Variants in FRMD6 observed in about 807,000 individuals in gnomAD.
FRMD6 encodes FERM domain containing 6.
In FRMD6, 37 loss-of-function variants were observed where a neutral mutation model predicts 73.2. The observed-to-expected ratio is 0.51, with a 90% CI of 0.39 to 0.66. The LOEUF is 0.66. FRMD6 is among the 30% of genes least tolerant of loss of function. The pLI is 0.00. For synonymous variants in FRMD6, 273 were observed against 282.2 expected (o/e 0.97, Z 0.33); for missense variants, 714 against 780.5 (o/e 0.91, Z 1.02).
intron 1 of FRMD6, among the ~76,000 whole-genome samples, chr14:51,499,582 C>A (rs554801399): frequency 5.8e-4 from 89 of 152,270 alleles, no homozygotes; most frequent in Middle Eastern, 3.4e-3. Context: ...GGAGTAGGGG[C>A]CTGACCCCAG....
chr14:51,469,471 A>G, the FRMD6 span, among the ~76,000 whole-genome samples: 77 of 150,752 alleles, frequency 5.1e-4, no homozygotes, highest in South Asian at 1.9e-3. Context: ...AACTTAGCCG[A>G]GCGTGGTGGC....
intron 1 of FRMD6, among the ~76,000 whole-genome samples, chr14:51,568,103 C>A (rs988557526): frequency 6.6e-6 from 1 of 152,140 alleles, no homozygotes; most frequent in African/African-American, 2.4e-5. Context: ...AAGCACTTGG[C>A]AAAATAGCTA....
intron 12 of FRMD6, among the ~76,000 whole-genome samples, chr14:51,722,723 G>T (rs533225216): frequency 4.9e-4 from 75 of 152,286 alleles, no homozygotes; most frequent in Admixed American, 1.1e-3. Flanking sequence ...TTTGTTTATA[G>T]ACATCAGTCA....
chr14:51,682,508 G>A (rs1027151483), intron 1 of FRMD6, among the ~76,000 whole-genome samples: 2 of 152,098 alleles, frequency 1.3e-5, no homozygotes, highest in African/African-American at 4.8e-5. Context: ...TGTTGCAAGT[G>A]GCAGAATTAA....
intron 2 of FRMD6, among the ~76,000 whole-genome samples, chr14:51,594,391 C>A: frequency 6.6e-6 from 1 of 151,734 alleles, no homozygotes; most frequent in East Asian, 1.9e-4. Context: ...TGCAATGGTG[C>A]GATCTTGGCT....
chr14:51,469,926 C>T, the FRMD6 span, among the ~76,000 whole-genome samples: 1 of 151,868 alleles, frequency 6.6e-6, no homozygotes, highest in Admixed American at 6.6e-5. Flanking sequence ...TTTTGGATAA[C>T]AAATTGACAG....
intron 1 of FRMD6, among the ~76,000 whole-genome samples, chr14:51,542,661 A>G (rs868738974): frequency 1.3e-5 from 2 of 151,494 alleles, no homozygotes; most frequent in South Asian, 2.1e-4. Context: ...GTAACATGGT[A>G]ATTCTATGTT....
chr14:51,466,274 A>G, the FRMD6 span, among the ~76,000 whole-genome samples: 8 of 152,328 alleles, frequency 5.3e-5, 1 homozygote, highest in Non-Finnish European at 1.2e-4. Context: ...AGTTGAGTTC[A>G]TCCATTTGTT....
rs142063181 is a variant in FRMD6, at chr14:51,609,846, A to C, written c.-147+39436A>C. 1.0e-3 allele frequency among the ~76,000 whole-genome samples: 155 copies of C among 152,296 alleles called. 1 individual carries two copies. The highest frequency in any genetic ancestry group is 3.4e-3 in the Middle Eastern group (1 of 294). ...ATACCCTTTTGAAAATGTGATGAAA[A>C]TTATGGATCTTCTCATCCAAAATAG... On this transcript the variant is annotated intron_variant, in intron 2 of 14. Coordinates refer to the FRMD6 transcript ENST00000356218.
intron 2 of FRMD6, among the ~76,000 whole-genome samples, chr14:51,635,059 C>T (rs986152208): frequency 6.6e-6 from 1 of 152,000 alleles, no homozygotes; most frequent in African/African-American, 2.4e-5. Context: ...CTCAGCCTCC[C>T]GAGTAAGGCT....
intron 1 of FRMD6, among the ~76,000 whole-genome samples, chr14:51,514,339 C>T (rs574760654): frequency 3.3e-5 from 5 of 151,424 alleles, no homozygotes; most frequent in African/African-American, 9.7e-5. Flanking sequence ...CACACTAGGG[C>T]CTGTTGGGGG....
chr14:51,670,121 G>A (rs576172527), intron 1 of FRMD6, among the ~76,000 whole-genome samples: 15 of 152,238 alleles, frequency 9.9e-5, no homozygotes, highest in African/African-American at 3.4e-4. Context: ...CTGTTGCCAA[G>A]ACTAGAGTGC....
At chr14:51,557,985 G>T (rs1016108314) in intron 1 of FRMD6, among the ~76,000 whole-genome samples, 2 of 150,924 alleles carry the variant, frequency 1.3e-5, no homozygotes, top group African/African-American at 4.9e-5. Context: ...AAAGACAATT[G>T]GTAAGGAAAG....
chr14:51,490,589 AG>A (rs770400844), intron 1 of FRMD6, among the ~76,000 whole-genome samples: 9 of 138,658 alleles, frequency 6.5e-5, no homozygotes, highest in Non-Finnish European at 1.3e-4. Context: ...GCACAGTGCT[AG>A]GTCCTGGACG....
chr14:51,666,140 T>C (rs1893574181), intron 1 of FRMD6, among the ~76,000 whole-genome samples: 1 of 152,248 alleles, frequency 6.6e-6, no homozygotes, highest in Non-Finnish European at 1.5e-5. Context: ...TAGTGCTTTC[T>C]TAATTTACTA....
chr14:51,439,858 A>C, the FRMD6 span, among the ~76,000 whole-genome samples: 1 of 152,184 alleles, frequency 6.6e-6, no homozygotes, highest in African/African-American at 2.4e-5. Flanking sequence ...CAGAGTAGGA[A>C]TGTCTTCCAG....
intron 1 of FRMD6, among the ~76,000 whole-genome samples, chr14:51,681,717 A>T (rs1594722911): frequency 6.6e-6 from 1 of 152,228 alleles, no homozygotes; most frequent in Admixed American, 6.5e-5. Context: ...ATTGTATAGT[A>T]TAATAATGTT....
rs1412003630 is a variant in FRMD6 at position 51,709,268 on chromosome 14, TTTCCCCA to T, written c.714+1037_714+1043del. 5.9e-5 allele frequency among the ~76,000 whole-genome samples: 9 copies of T among 152,312 alleles called. No homozygotes were observed. The East Asian group carries it at 1.4e-3, about 23-fold the overall frequency. The stretch of plus-strand genomic sequence containing the variant: ...CTTACTTAACCGCTCTGTACTTCAG[TTTCCCCA>T]TAGTTAAAGGGGACAGCAACATACC... On this transcript the variant is annotated intron_variant, in intron 7 of 13. Transcript: ENST00000344768.
chr14:51,713,713 A>G (rs1204734540), intron 9 of FRMD6: 2 of 152,146 alleles, frequency 1.3e-5, no homozygotes, highest in Non-Finnish European at 2.9e-5. Context: ...TACTTTAATT[A>G]CTTGGGCACG....
Sources: gnomAD v4.1 joint callset for allele counts (sites outside exome capture counted in the v4.1 genomes callset) on GRCh38, gnomAD v4.1.1 for gene constraint, MANE v1.5 for transcripts, NCBI Gene and HGNC (gene_info 2026-07-23, HGNC 2026-07-21) for gene names.